Variants in ELF2 observed in about 807,000 individuals in gnomAD.
ELF2 encodes E74 like ETS transcription factor 2.
In ELF2, 11 loss-of-function variants were observed where a neutral mutation model predicts 54.8. The observed-to-expected ratio is 0.20, with a 90% confidence interval of 0.13 to 0.33. ELF2 has a LOEUF of 0.33. ELF2 is among the 10% of genes least tolerant of loss of function. The pLI is 1.00. For missense variants in ELF2, 513 were observed against 703.0 expected, an observed-to-expected ratio of 0.73 and a Z score of 3.06; for synonymous variants, 203 against 245.1, an observed-to-expected ratio of 0.83 and a Z score of 1.61.
At position 139,163,270 on chromosome 4, in the gene ELF2, AAAGCAT is replaced by A. The variant is rs199960193; in HGVS notation, c.-252+13691_-252+13696del. 6.1e-3 allele frequency among the ~76,000 whole-genome samples: 926 copies of A among 152,212 alleles called. 15 individuals are homozygous for A. The highest frequency in any genetic ancestry group is 0.021 in the African/African-American group (881 of 41,536). On this transcript the variant is annotated intron_variant, in intron 1 of 9. Coordinates refer to ENST00000686138, the MANE Select transcript of ELF2 (RefSeq NM_001331036.3). ...GGCTTTGATGAGAAAAATTATGAGA[AAAGCAT>A]AAGAATGTATTATTCATTGAGAAAA...
chr4:139,063,287 T>TGCC (rs990682782), intron 7 of ELF2, among the ~76,000 whole-genome samples: 6 of 152,036 alleles, frequency 3.9e-5, no homozygotes, highest in Non-Finnish European at 8.8e-5. Flanking sequence ...AGAACATTAC[T>TGCC]GCCTCTAAAA....
Position 139,144,332 on chromosome 4 carries a change from T to C in ELF2, c.-251-4835A>G, listed in dbSNP as rs377481750. On this transcript the variant is annotated intron_variant, in intron 1 of 9. Transcript: ENST00000686138. Reference sequence around the variant, plus strand: ...GAAGCACCAGGGGCGGGAAGAGCCTTGTGCGTATTCCCGGTCTCCAACGCA... The same window carrying C: ...GAAGCACCAGGGGCGGGAAGAGCCTCGTGCGTATTCCCGGTCTCCAACGCA... 6.2e-4 allele frequency among the ~76,000 whole-genome samples: 94 copies of C among 152,282 alleles called. 1 individual carries two copies. The East Asian group carries it at 0.01, about 17-fold the overall frequency.
At chr4:139,110,062 AT>A (rs1734809908) in intron 4 of ELF2, among the ~76,000 whole-genome samples, 1 of 152,182 alleles carries the variant, frequency 6.6e-6, no homozygotes, top group Non-Finnish European at 1.5e-5. Flanking sequence ...AAAGAACGCT[AT>A]TTTTTGATGT....
chr4:139,098,720 G>A (rs866141628), intron 4 of ELF2, among the ~76,000 whole-genome samples: 2 of 151,984 alleles, frequency 1.3e-5, no homozygotes, highest in South Asian at 2.1e-4. Context: ...CACCCGCCTC[G>A]GCCTCCCAAA....
At chr4:139,124,401 A>G (rs1177125110) in intron 4 of ELF2, among the ~76,000 whole-genome samples, 2 of 152,214 alleles carry the variant, frequency 1.3e-5, no homozygotes, top group African/African-American at 4.8e-5. Context: ...TAATCATGAA[A>G]GTTTCCTACA....
At chr4:139,075,208 T>C (rs1024407418) in intron 4 of ELF2, among the ~76,000 whole-genome samples, 1 of 152,256 alleles carries the variant, frequency 6.6e-6, no homozygotes, top group Non-Finnish European at 1.5e-5. Context: ...CAGCAGTCAG[T>C]GGTTTGGGCT....
At chr4:139,135,235 ATATGTG>A (rs145391742) in intron 3 of ELF2, among the ~76,000 whole-genome samples, 1,981 of 131,878 alleles carry the variant, frequency 0.015, 20 homozygotes, top group Middle Eastern at 0.033. Flanking sequence ...ACTACTATAT[ATATGTG>A]TGTGTGTGTG....
At chr4:139,157,825 C>T (rs1211483221) in intron 1 of ELF2, among the ~76,000 whole-genome samples, 1 of 152,174 alleles carries the variant, frequency 6.6e-6, no homozygotes, top group Non-Finnish European at 1.5e-5. Flanking sequence ...ATTTGTTCAA[C>T]CTGTTTTATG....
intron 1 of ELF2, among the ~76,000 whole-genome samples, chr4:139,174,797 T>TC (rs1382422743): frequency 6.6e-6 from 1 of 152,216 alleles, no homozygotes; most frequent in Non-Finnish European, 1.5e-5. Context: ...TATTCATTTT[T>TC]CCTAGGAGAC....
chr4:139,164,900 G>C (rs1215623520), intron 1 of ELF2, among the ~76,000 whole-genome samples: 1 of 152,260 alleles, frequency 6.6e-6, no homozygotes, highest in African/African-American at 2.4e-5. Context: ...TCCTGCTCAA[G>C]GTACTAGTTT....
At chr4:139,136,085 T>G (rs1257128327) in intron 3 of ELF2, among the ~76,000 whole-genome samples, 1 of 152,086 alleles carries the variant, frequency 6.6e-6, no homozygotes, top group Non-Finnish European at 1.5e-5. Context: ...AGAAAGCATT[T>G]GAGGAAAAAG....
chr4:139,066,824 G>T (rs1363779799), intron 7 of ELF2: 2 of 151,932 alleles, frequency 1.3e-5, no homozygotes, highest in African/African-American at 4.8e-5. Flanking sequence ...CTGCAGTGAG[G>T]TATGGTCATG....
At chr4:139,171,102 G>A (rs1018679823) in intron 1 of ELF2, among the ~76,000 whole-genome samples, 4 of 152,130 alleles carry the variant, frequency 2.6e-5, no homozygotes, top group Non-Finnish European at 4.4e-5. Context: ...CATCAAAAAA[G>A]ATGGGTCAGA....
intron 1 of ELF2, among the ~76,000 whole-genome samples, chr4:139,150,780 T>C (rs367850095): frequency 2.0e-5 from 3 of 151,808 alleles, no homozygotes; most frequent in African/African-American, 7.3e-5. Flanking sequence ...CCCAGCACTT[T>C]GGGAGGCTGA....
chr4:139,124,926 T>G (rs958065878), intron 4 of ELF2, among the ~76,000 whole-genome samples: 7 of 152,228 alleles, frequency 4.6e-5, no homozygotes, highest in African/African-American at 1.7e-4. Flanking sequence ...TATCATTATG[T>G]GAAGCTGTAA....
intron 4 of ELF2, among the ~76,000 whole-genome samples, chr4:139,095,571 A>T (rs944920513): frequency 6.6e-5 from 10 of 152,078 alleles, no homozygotes; most frequent in Admixed American, 1.3e-4. Flanking sequence ...ATTTTAACAA[A>T]TTTTTTTTAA....
At chr4:139,074,968 G>A (rs1405110929) in intron 4 of ELF2, among the ~76,000 whole-genome samples, 1 of 152,136 alleles carries the variant, frequency 6.6e-6, no homozygotes, top group African/African-American at 2.4e-5. Context: ...CCAGGCAGAG[G>A]TGACTAAAGA....
chr4:139,095,797 C>A (rs1733201379), intron 4 of ELF2, among the ~76,000 whole-genome samples: 1 of 152,156 alleles, frequency 6.6e-6, no homozygotes, highest in Non-Finnish European at 1.5e-5. Context: ...GTAATCCCAG[C>A]ACTTTGGGAG....
At chr4:139,143,761 C>A (rs538341478) in intron 1 of ELF2, among the ~76,000 whole-genome samples, 2 of 152,190 alleles carry the variant, frequency 1.3e-5, no homozygotes, top group East Asian at 3.9e-4. Flanking sequence ...GCCCGGGCAA[C>A]AGAGCAAGAC....
Sources: allele counts gnomAD v4.1 joint callset (sites outside exome capture counted in the v4.1 genomes callset), GRCh38; gene constraint gnomAD v4.1.1; transcripts MANE v1.5; gene names NCBI Gene and HGNC (gene_info 2026-07-23, HGNC 2026-07-21).